ENOX2: variants seen among roughly 807,000 people sequenced by gnomAD.
The protein encoded by ENOX2 is ecto-NOX disulfide-thiol exchanger 2.
ENOX2 carries 36 observed loss-of-function variants against 45.0 expected under a neutral mutation model. The ratio of observed to expected loss-of-function variants is 0.80; its 90% confidence interval spans 0.61 to 1.06. ENOX2 has a LOEUF of 1.06. ENOX2 is among the 50% of genes least tolerant of loss of function. The pLI is 0.00. For synonymous variants in ENOX2, 174 were observed against 152.3 expected (o/e 1.14, Z -1.05); for missense variants, 423 against 462.5 (o/e 0.91, Z 0.78).
At chrX:130,721,519 GACA>G (rs2038475333) in intron 3 of ENOX2, among the ~76,000 whole-genome samples, 1 of 111,963 alleles carries the variant, frequency 8.9e-6, no homozygotes, top group South Asian at 3.8e-4. Flanking sequence ...GCCTTCTTGA[GACA>G]ACTTCACTTC....
intron 3 of ENOX2, among the ~76,000 whole-genome samples, chrX:130,760,617 C>T (rs1454219367): frequency 9.4e-6 from 1 of 106,900 alleles, no homozygotes; most frequent in Non-Finnish European, 1.9e-5. Context: ...GAAACCTTGT[C>T]TCTACTAAAA....
chrX:130,849,891 T>A (rs2078177425), intron 2 of ENOX2, among the ~76,000 whole-genome samples: 1 of 111,450 alleles, frequency 9.0e-6, no homozygotes, highest in African/African-American at 3.3e-5. Context: ...ATCTTATGCT[T>A]GAAGCACAGG....
At chrX:130,665,601 A>C in intron 9 of ENOX2, 42 bp downstream of exon 9, 1 of 942,243 alleles carries the variant, frequency 1.1e-6, no homozygotes, top group Non-Finnish European at 1.5e-6. Context: ...TAACGAAAGA[A>C]ACTGTCCCCC....
chrX:130,684,292 G>C (rs2037387549), intron 5 of ENOX2, among the ~76,000 whole-genome samples: 1 of 112,141 alleles, frequency 8.9e-6, no homozygotes, highest in Admixed American at 9.4e-5. Context: ...AGGAGGTTGA[G>C]ACCAAGGAGG....
Position 130,631,530 on chromosome X carries a change from T to C in ENOX2, c.1466A>G (p.Tyr489Cys), listed in dbSNP as rs750017846. ...GCTGTTCATGGTCTTCTCAAGAGGG[T>C]ATTCGCTATCCTGGTTTGAGGCACA... ...RLCASNQDSE[Y>C]PLEKTMNSSP... The change falls in exon 13 of 15, where the codon TAC (tyrosine) becomes TGC (cysteine). Residue 489 changes from tyrosine to cysteine, a missense_variant. Around this residue, in one of 5 missense-constraint regions of ENOX2, gnomAD observed 108 missense variants for 70.6 expected, o/e 1.53. Coordinates refer to ENST00000394363, the MANE Select transcript of ENOX2 (RefSeq NM_006375.4). 6.6e-6 allele frequency: 8 copies of C among 1,204,051 alleles called. No individual in the cohort carries two copies. In the East Asian group the frequency reaches 2.1e-4, roughly 31 times the overall value.
At chrX:130,682,570 C>T (rs1007442397) in intron 5 of ENOX2, among the ~76,000 whole-genome samples, 7 of 70,064 alleles carry the variant, frequency 1.0e-4, no homozygotes, top group African/African-American at 6.6e-5. Flanking sequence ...GGTGACAGAG[C>T]GAGACTCCGT....
intron 6 of ENOX2, among the ~76,000 whole-genome samples, chrX:130,671,292 G>T (rs772678361): frequency 8.9e-5 from 10 of 112,087 alleles, no homozygotes; most frequent in Non-Finnish European, 1.9e-4. Context: ...GCTTTTTAAA[G>T]AACTGTACAT....
At chrX:130,702,529 GC>G (rs1363836996) in intron 4 of ENOX2, among the ~76,000 whole-genome samples, 1 of 112,083 alleles carries the variant, frequency 8.9e-6, no homozygotes, top group Non-Finnish European at 1.9e-5. Context: ...TGTCCAGGAA[GC>G]TTTTTTGTGT....
intron 10 of ENOX2, among the ~76,000 whole-genome samples, chrX:130,638,792 G>A (rs1230549030): frequency 2.7e-5 from 3 of 111,403 alleles, no homozygotes; most frequent in African/African-American, 9.8e-5. Flanking sequence ...AACCTGAGGT[G>A]TAATTAACAA....
At chrX:130,893,292 G>A (rs1439490839) in intron 2 of ENOX2, among the ~76,000 whole-genome samples, 1 of 111,941 alleles carries the variant, frequency 8.9e-6, no homozygotes, top group Non-Finnish European at 1.9e-5. Flanking sequence ...GAGGGCATTG[G>A]GTTAATAGTA....
At chrX:130,768,142 T>A (rs1217483699) in intron 3 of ENOX2, among the ~76,000 whole-genome samples, 1 of 111,972 alleles carries the variant, frequency 8.9e-6, no homozygotes, top group Non-Finnish European at 1.9e-5. Context: ...CTTGTTATGT[T>A]ACTTCCTTTC....
At chrX:130,738,050 A>C (rs2038901421) in intron 3 of ENOX2, among the ~76,000 whole-genome samples, 1 of 111,778 alleles carries the variant, frequency 8.9e-6, no homozygotes, top group African/African-American at 3.3e-5. Flanking sequence ...CCCATCAGTT[A>C]CCTTGAAATG....
At chrX:130,775,672 T>C (rs2039839924) in intron 3 of ENOX2, among the ~76,000 whole-genome samples, 1 of 111,275 alleles carries the variant, frequency 9.0e-6, no homozygotes, top group Admixed American at 9.6e-5. Flanking sequence ...AGGAATACAT[T>C]TGAAGCTAGA....
intron 2 of ENOX2, among the ~76,000 whole-genome samples, chrX:130,838,779 G>C (rs994448097): frequency 4.5e-5 from 5 of 111,959 alleles, no homozygotes; most frequent in African/African-American, 1.6e-4. Context: ...GGTCAAGGTA[G>C]GGGTCACATA....
At chrX:130,768,438 G>A (rs2039663924) in intron 3 of ENOX2, among the ~76,000 whole-genome samples, 1 of 111,917 alleles carries the variant, frequency 8.9e-6, no homozygotes, top group Admixed American at 9.5e-5. Context: ...TAGGCATGTT[G>A]GTTGAGAATC....
intron 12 of ENOX2, 56 bp downstream of exon 12, chrX:130,634,928 G>A: frequency 3.2e-6 from 2 of 621,943 alleles, no homozygotes; most frequent in Non-Finnish European, 5.0e-6. Flanking sequence ...CATTTTCACT[G>A]TCACTGAAAA....
intron 4 of ENOX2, among the ~76,000 whole-genome samples, chrX:130,696,469 A>T (rs1040289474): frequency 8.9e-6 from 1 of 111,882 alleles, no homozygotes; most frequent in Non-Finnish European, 1.9e-5. Flanking sequence ...TCTTAATTTG[A>T]CAAGAAAATA....
chrX:130,745,533 A>G (rs887344147), intron 3 of ENOX2, among the ~76,000 whole-genome samples: 3 of 112,182 alleles, frequency 2.7e-5, no homozygotes, highest in Non-Finnish European at 5.6e-5. Context: ...GATCAGAACA[A>G]TGTGTTTGAA....
intron 4 of ENOX2, among the ~76,000 whole-genome samples, chrX:130,696,053 T>C (rs1260932189): frequency 9.0e-6 from 1 of 111,716 alleles, no homozygotes; most frequent in East Asian, 2.8e-4. Context: ...ATCTAAACAC[T>C]TGTTTCAGCT....
Sources: allele counts gnomAD v4.1 joint callset (sites outside exome capture counted in the v4.1 genomes callset), GRCh38; gene constraint gnomAD v4.1.1; regional missense constraint gnomAD v4.1.1; transcripts MANE v1.5; gene names NCBI Gene and HGNC (gene_info 2026-07-23, HGNC 2026-07-21).